HMCN1: variants seen among roughly 807,000 people sequenced by gnomAD.
HMCN1 encodes hemicentin-1.
HMCN1 carries 321 observed loss-of-function variants against 625.9 expected under a neutral mutation model. That is an observed-to-expected ratio of 0.51 (90% CI 0.47 to 0.56). HMCN1 has a LOEUF of 0.56. Among genes scored for constraint, HMCN1 ranks in the 20% least tolerant of loss-of-function variants. The pLI is 0.00. For missense variants in HMCN1, 6,588 were observed against 6,887.3 expected, an observed-to-expected ratio of 0.96 and a Z score of 1.54; for synonymous variants, 2,425 against 2,417.6, an observed-to-expected ratio of 1.00 and a Z score of -0.09.
At chr1:186,069,303 A>G (rs146662783) in intron 50 of HMCN1, among the ~76,000 whole-genome samples, 6 of 152,340 alleles carry the variant, frequency 3.9e-5, no homozygotes, top group Non-Finnish European at 7.3e-5. Flanking sequence ...CTTCAGCACA[A>G]TTAATTTCTC....
chr1:186,009,645 A>G (rs1390429104), intron 30 of HMCN1, among the ~76,000 whole-genome samples: 2 of 152,190 alleles, frequency 1.3e-5, no homozygotes, highest in Non-Finnish European at 1.5e-5. Context: ...TAAAAGGTAT[A>G]AATGAACATT....
chr1:186,125,715 A>AAGAC lies in HMCN1; in HGVS notation c.12613_12616dup (p.Asn4206ArgfsTer7). 1 of 1,613,402 alleles carries AAGAC rather than the reference A, an allele frequency of 6.2e-7. No individual in the cohort carries two copies. The highest frequency in any genetic ancestry group is 8.5e-7 in the Non-Finnish European group (1 of 1,179,470). ...CCCACACCAGCAATTAACTGGAAAA[A>AAGAC]AGACAATGTTCTTTTAGCTAACTTG... On this transcript the variant is annotated frameshift_variant, in exon 82 of 107. Transcript: ENST00000271588. LOFTEE classifies it high-confidence loss of function.
At chr1:185,861,735 A>C (rs1303316491) in intron 2 of HMCN1, among the ~76,000 whole-genome samples, 1 of 152,234 alleles carries the variant, frequency 6.6e-6, no homozygotes, top group African/African-American at 2.4e-5. Flanking sequence ...GTTAAGTACC[A>C]CTAAAGTGTA....
Position 185,887,848 on chromosome 1 carries a change from G to T in HMCN1, c.622-21489G>T, listed in dbSNP as rs530894481. ...AGTAATGGGATGGCTGGGTCAAATG[G>T]TATTTCCAGTTCTAGATCCCTGACG... On this transcript the variant is annotated intron_variant, in intron 4 of 106. Transcript: ENST00000271588. Among the ~76,000 whole-genome samples, 46 of 140,842 alleles carry T rather than the reference G, an allele frequency of 3.3e-4. 1 individual carries two copies. The South Asian group carries it at 5.8e-3, about 18-fold the overall frequency. 92.4% of individuals were successfully genotyped at this position (140,842 alleles called of 152,430 possible).
chr1:185,734,959 T>C lies in HMCN1; in HGVS notation c.180T>C (p.Ile60=). 1.9e-6 allele frequency: 3 copies of C among 1,614,114 alleles called. No individual in the cohort carries two copies. Among genetic ancestry groups the C allele is most frequent in the Non-Finnish European group, 2.5e-6 (3 of 1,180,008 alleles). Residue 60 remains isoleucine (I), a synonymous_variant, in exon 1 of 107, where the codon ATT becomes ATC. Transcript: ENST00000271588. ...GSMYDDLVQV[I]EGASKILETS... is the part of the protein sequence containing the mutation. ...TGTATGATGATTTAGTTCAGGTGAT[T>C]GAAGGGGCTTCCAAAATTTTGGAGA...
chr1:186,154,037 G>A (rs760449207), intron 97 of HMCN1, 50 bp downstream of exon 97: 2 of 1,487,610 alleles, frequency 1.3e-6, no homozygotes, highest in Non-Finnish European at 1.9e-6. Flanking sequence ...AGTCTAAAGG[G>A]TTAAAAAAAT....
At chr1:186,133,787 G>A (rs909880344) in intron 86 of HMCN1, among the ~76,000 whole-genome samples, 2 of 149,108 alleles carry the variant, frequency 1.3e-5, no homozygotes, top group Non-Finnish European at 3.0e-5. Context: ...GGAAAAAATA[G>A]GGTTCTATGT....
chr1:185,781,135 T>C (rs1007683740), intron 1 of HMCN1, among the ~76,000 whole-genome samples: 4 of 152,250 alleles, frequency 2.6e-5, no homozygotes, highest in African/African-American at 7.2e-5. Flanking sequence ...TTTATTTGCA[T>C]AGAGGTGTTT....
intron 2 of HMCN1, among the ~76,000 whole-genome samples, chr1:185,856,359 G>T (rs887679590): frequency 2.6e-5 from 4 of 151,796 alleles, no homozygotes; most frequent in Admixed American, 2.6e-4. Context: ...GCATGGTGGC[G>T]GGCACCTGTA....
chr1:185,852,484 C>T lies in HMCN1; in HGVS notation c.339+6388C>T, dbSNP rs547466677. On this transcript the variant is annotated intron_variant, in intron 2 of 106. Coordinates refer to ENST00000271588, the MANE Select transcript of HMCN1 (RefSeq NM_031935.3). ...GTAGAGCTATCAGAGGTTTGATTTT[C>T]ATTTTTGGACATGATTAGACATGAT... 6.3e-4 allele frequency among the ~76,000 whole-genome samples: 95 copies of T among 151,314 alleles called. 3 individuals are homozygous for T. In the South Asian group the frequency reaches 0.014, roughly 23 times the overall value.
intron 103 of HMCN1, among the ~76,000 whole-genome samples, chr1:186,177,685 C>A (rs1420686249): frequency 6.6e-6 from 1 of 152,216 alleles, no homozygotes; most frequent in Admixed American, 6.5e-5. Context: ...TATATGTGGA[C>A]ATATTAGAAA....
intron 1 of HMCN1, among the ~76,000 whole-genome samples, chr1:185,829,252 A>C (rs897787614): frequency 2.6e-5 from 4 of 152,004 alleles, no homozygotes; most frequent in Non-Finnish European, 5.9e-5. Context: ...ATGGTGGCTC[A>C]CACCTGTAAC....
intron 11 of HMCN1, among the ~76,000 whole-genome samples, chr1:185,945,712 A>G (rs1381620576): frequency 6.6e-6 from 1 of 152,212 alleles, no homozygotes; most frequent in Non-Finnish European, 1.5e-5. Flanking sequence ...AAGTCAGGAC[A>G]GTCTGTTCAG....
Position 185,933,706 on chromosome 1 carries a change from C to A in HMCN1, c.1710C>A (p.Thr570=), listed in dbSNP as rs1274762838. Residue 570 remains threonine (T), a synonymous_variant, in exon 11 of 107, where the codon ACC becomes ACA. Transcript: ENST00000271588. ...TGGCAGAGCCAGCGAGAATTAGGAC[C>A]TTGGCTAATCTGTCATTGGAGCTAA... ...VRLAEPARIR[T]LANLSLELKS... 3.1e-6 allele frequency: 5 copies of A among 1,613,870 alleles called. No homozygotes were observed. The African/African-American group carries it at 6.7e-5, about 22-fold the overall frequency.
chr1:185,982,529 C>T, intron 18 of HMCN1, 140 bp downstream of exon 18: 2 of 762,920 alleles, frequency 2.6e-6, no homozygotes, highest in South Asian at 3.2e-5. Flanking sequence ...CAACCTCTGC[C>T]TCCTGGGTTG....
Position 185,886,850 on chromosome 1 carries a change from C to G in HMCN1, c.621+20987C>G, listed in dbSNP as rs143502634. ...CCTGCCCCTGTTCTAAAAACCGATT[C>G]TACTGCCAGTTGAATGGTGTCCAAA... On this transcript the variant is annotated intron_variant, in intron 4 of 106. Transcript: ENST00000271588. Among the ~76,000 whole-genome samples, 545 of 152,246 alleles carry G rather than the reference C, an allele frequency of 3.6e-3. 4 individuals carry two copies. Among genetic ancestry groups the G allele is most frequent in the African/African-American group, 0.012 (516 of 41,544 alleles).
At chr1:186,153,495 A>C (rs1156521378) in intron 96 of HMCN1, among the ~76,000 whole-genome samples, 1 of 152,014 alleles carries the variant, frequency 6.6e-6, no homozygotes, top group Non-Finnish European at 1.5e-5. Context: ...AAAGTTGCTT[A>C]ATTTCTACAA....
At chr1:186,166,996 C>T (rs1024098190) in intron 100 of HMCN1, 54 bp downstream of exon 100, 37 of 1,607,312 alleles carry the variant, frequency 2.3e-5, no homozygotes, top group South Asian at 2.0e-4. Flanking sequence ...ATTAGACCCA[C>T]CTTTTGACTC....
intron 68 of HMCN1, among the ~76,000 whole-genome samples, chr1:186,100,562 G>C (rs756253658): frequency 4.6e-5 from 7 of 152,016 alleles, no homozygotes; most frequent in Non-Finnish European, 7.4e-5. Flanking sequence ...CTGTAACAAT[G>C]AGAAATCATT....
Sources: gnomAD v4.1 joint callset for allele counts (sites outside exome capture counted in the v4.1 genomes callset) on GRCh38, gnomAD v4.1.1 for gene constraint, MANE v1.5 for transcripts, NCBI Gene and HGNC (gene_info 2026-07-23, HGNC 2026-07-21) for gene names.